EIF4E: variants seen among roughly 807,000 people sequenced by gnomAD.
The protein encoded by EIF4E is eukaryotic translation initiation factor 4E.
For synonymous variants in EIF4E, 71 were observed against 88.5 expected (o/e 0.80, Z 1.11); for missense variants, 113 against 265.6 (o/e 0.43, Z 3.99).
At chr4:98,913,835 T>C (rs1725253349) in intron 1 of EIF4E, among the ~76,000 whole-genome samples, 1 of 151,922 alleles carries the variant, frequency 6.6e-6, no homozygotes, top group Non-Finnish European at 1.5e-5. Context: ...CAAAACTAAA[T>C]GGGAAAATAG....
chr4:98,928,875 C>A, intron 1 of EIF4E: 3 of 1,547,368 alleles, frequency 1.9e-6, no homozygotes, highest in Non-Finnish European at 2.6e-6. Flanking sequence ...ACACCGCTCC[C>A]CCAGTTCTCG....
In EIF4E at chr4:98,891,229, T is replaced by C; in HGVS notation, c.221+8A>G. Reference sequence around the variant, plus strand: ...ACAACAAACATACTAAAACAAATGGTTACTTACGCCCAAAAGTCTTCAACA... The same window carrying C: ...ACAACAAACATACTAAAACAAATGGCTACTTACGCCCAAAAGTCTTCAACA... On this transcript the variant is annotated splice_region_variant and intron_variant, in intron 3 of 6. Transcript: ENST00000450253. 1.2e-6 allele frequency: 2 copies of C among 1,613,844 alleles called. No individual in the cohort carries two copies. The highest frequency in any genetic ancestry group is 1.7e-6 in the Non-Finnish European group (2 of 1,179,792).
chr4:98,885,583 G>C (rs532811448), intron 5 of EIF4E, among the ~76,000 whole-genome samples: 1 of 151,990 alleles, frequency 6.6e-6, no homozygotes, highest in African/African-American at 2.4e-5. Context: ...GAGTAGGTGG[G>C]CATACATACA....
intron 1 of EIF4E, among the ~76,000 whole-genome samples, chr4:98,924,900 AT>A (rs1376620719): frequency 6.6e-6 from 1 of 152,082 alleles, no homozygotes; most frequent in African/African-American, 2.4e-5. Context: ...CAGCAAGTAT[AT>A]TTTTTTCTTT....
intron 1 of EIF4E, among the ~76,000 whole-genome samples, chr4:98,925,075 T>C (rs1725813089): frequency 6.6e-6 from 1 of 152,172 alleles, no homozygotes; most frequent in African/African-American, 2.4e-5. Flanking sequence ...ACAACAAATA[T>C]TTGTCAATAT....
At chr4:98,891,523 G>C (rs1332698971) in intron 2 of EIF4E, 191 bp from the exon 3 acceptor site, 6 of 605,258 alleles carry the variant, frequency 9.9e-6, no homozygotes, top group Non-Finnish European at 1.7e-5. Flanking sequence ...TAAAACATGA[G>C]GGGAAGCTAA....
intron 1 of EIF4E, among the ~76,000 whole-genome samples, chr4:98,919,558 C>CTTTTTTTT (rs532537834): frequency 1.5e-5 from 2 of 131,890 alleles, no homozygotes; most frequent in African/African-American, 5.6e-5. Flanking sequence ...GATTCTTTTT[C>CTTTTTTTT]TTTTTTTTTT....
intron 6 of EIF4E, among the ~76,000 whole-genome samples, chr4:98,882,163 C>A (rs1331265382): frequency 6.6e-6 from 1 of 151,604 alleles, no homozygotes; most frequent in Non-Finnish European, 1.5e-5. Context: ...GAGGCCGAGG[C>A]GGGCGGATCA....
chr4:98,903,367 T>C, intron 1 of EIF4E: 1 of 425,268 alleles, frequency 2.4e-6, no homozygotes, highest in Non-Finnish European at 4.6e-6. Context: ...TGGGTTTTTT[T>C]TTTTTTTGTA....
At chr4:98,907,016 G>C (rs1724899648) in intron 1 of EIF4E, among the ~76,000 whole-genome samples, 1 of 152,140 alleles carries the variant, frequency 6.6e-6, no homozygotes, top group South Asian at 2.1e-4. Flanking sequence ...TTTTTATAAA[G>C]TAGCTAAAAA....
chr4:98,885,189 T>A, intron 5 of EIF4E, 128 bp from the exon 6 acceptor site: 1 of 1,114,002 alleles, frequency 9.0e-7, no homozygotes, highest in Non-Finnish European at 1.3e-6. Flanking sequence ...TTTAAATGTG[T>A]AAATTTTATT....
chr4:98,909,870 A>C (rs540997625), intron 1 of EIF4E: 1 of 631,556 alleles, frequency 1.6e-6, no homozygotes, highest in East Asian at 2.8e-5. Flanking sequence ...CGCCATGAGA[A>C]GGGTGGGACA....
rs147133313 is a variant in EIF4E at position 98,892,888 on chromosome 4, A to G, written c.126-1556T>C. 6.0e-4 allele frequency among the ~76,000 whole-genome samples: 92 copies of G among 152,290 alleles called. No homozygotes were observed. In the East Asian group the frequency reaches 0.013, roughly 21 times the overall value. ...TGAAATAATGTATACCAGTTTTAAT[A>G]TATCTGTATATACTTCTCTTAAAAT... On this transcript the variant is annotated intron_variant, in intron 2 of 6. Transcript: ENST00000450253.
chr4:98,919,337 A>C (rs559466255), intron 1 of EIF4E, among the ~76,000 whole-genome samples: 10 of 151,058 alleles, frequency 6.6e-5, no homozygotes, highest in East Asian at 1.9e-4. Flanking sequence ...ACTAGCAAAA[A>C]AAAAAAAAAC....
chr4:98,899,061 A>C (rs934753213), intron 2 of EIF4E, among the ~76,000 whole-genome samples: 23 of 152,162 alleles, frequency 1.5e-4, no homozygotes, highest in African/African-American at 5.5e-4. Context: ...CTCTAAAAAA[A>C]AAAAAACCAT....
At position 98,887,241 on chromosome 4, in the gene EIF4E, T is replaced by C; in HGVS notation, c.286-49A>G. On this transcript the variant is annotated intron_variant, in intron 4 of 6. Transcript: ENST00000450253. This position sits in a 1 kb window ranked among gnomAD's most constrained non-coding sequence, Gnocchi z 4.0. ...ATTACACAACATTGTTACCTTGACT[T>C]TGAGAGATAATCATTAGAAACAGTT... 6.4e-7 allele frequency: 1 copy of C among 1,568,766 alleles called. No individual in the cohort carries two copies. The highest frequency in any genetic ancestry group is 8.8e-7 in the Non-Finnish European group (1 of 1,139,290).
chr4:98,911,661 C>CAAAAAAAAAAAAAAAAAAAAAAAAAAA lies in EIF4E; in HGVS notation c.19-9680_19-9679insTTTTTTTTTTTTTTTTTTTTTTTTTTT. ...GGGCAACAAGAGCGAAACTCTGTCT[C>CAAAAAAAAAAAAAAAAAAAAAAAAAAA]AAAAAAAAAAAAAAAAAAAAAAAAA... On this transcript the variant is annotated intron_variant, in intron 1 of 6. Coordinates refer to ENST00000450253, the MANE Select transcript of EIF4E (RefSeq NM_001968.5). Among the ~76,000 whole-genome samples, 2 of 60,042 alleles carry CAAAAAAAAAAAAAAAAAAAAAAAAAAA rather than the reference C, an allele frequency of 3.3e-5. 1 individual carries two copies. Among genetic ancestry groups the CAAAAAAAAAAAAAAAAAAAAAAAAAAA allele is most frequent in the Non-Finnish European group, 6.1e-5 (2 of 32,766 alleles). 39.4% of individuals were successfully genotyped at this position (60,042 alleles called of 152,430 possible). A position where few individuals can be genotyped will look rare whatever the true frequency, so the allele number is the denominator to read the frequency against.
rs976972767 is a variant in EIF4E at position 98,928,903 on chromosome 4, G to A, written c.18+192C>T. Reference sequence around the variant, plus strand: ...AGTTCTCGGGCCCCCACCAGAAAGTGTGCGCTACACGCCGCCTCGGCCATC... The same window carrying A: ...AGTTCTCGGGCCCCCACCAGAAAGTATGCGCTACACGCCGCCTCGGCCATC... On this transcript the variant is annotated intron_variant, in intron 1 of 6. Transcript: ENST00000450253. The A allele has an allele frequency of 3.8e-6, 6 of 1,559,976 alleles. No individual in the cohort carries two copies. In the African/African-American group the frequency reaches 8.2e-5, roughly 21 times the overall value.
chr4:98,888,074 T>C, intron 3 of EIF4E, 122 bp from the exon 4 acceptor site: 1 of 857,208 alleles, frequency 1.2e-6, no homozygotes, highest in Non-Finnish European at 1.8e-6. Context: ...TGTTTACTTG[T>C]TTCTAAGGAG....
Sources: gnomAD v4.1 joint callset for allele counts (sites outside exome capture counted in the v4.1 genomes callset) on GRCh38, gnomAD v4.1.1 for gene constraint, Gnocchi (gnomAD v3.1) non-coding constraint, MANE v1.5 for transcripts, NCBI Gene and HGNC (gene_info 2026-07-23, HGNC 2026-07-21) for gene names.